MTR: variants seen among roughly 807,000 people sequenced by gnomAD.
MTR encodes 5-methyltetrahydrofolate-homocysteine methyltransferase, also known as methionine synthase.
In MTR, 84 loss-of-function variants were observed where a neutral mutation model predicts 154.8. The ratio of observed to expected loss-of-function variants is 0.54; its 90% CI spans 0.45 to 0.65. MTR has a LOEUF of 0.65. Ranked by LOEUF, MTR falls within the 30% of genes least tolerant of loss-of-function variation. MTR has a pLI of 0.00. For missense variants in MTR, 1,275 were observed against 1,570.2 expected, an observed-to-expected ratio of 0.81 and a Z score of 3.18; for synonymous variants, 554 against 553.9, an observed-to-expected ratio of 1.00 and a Z score of 0.00.
chr1:236,816,080 T>C (rs1171453925), intron 7 of MTR, among the ~76,000 whole-genome samples: 4 of 152,220 alleles, frequency 2.6e-5, no homozygotes, highest in African/African-American at 9.6e-5. Context: ...AGAAGCGAAT[T>C]GAATCAAAAC....
At chr1:236,873,959 A>G (rs1665287587) in intron 23 of MTR, 119 bp downstream of exon 23, 2 of 974,278 alleles carry the variant, frequency 2.1e-6, no homozygotes, top group Admixed American at 1.9e-5. Flanking sequence ...GGGACATACA[A>G]TCAAGTGCCA....
rs575229292 is a variant in MTR, at chr1:236,829,229, C to G, written c.1036C>G (p.Pro346Ala). The G allele has an allele frequency of 3.7e-6, 6 of 1,613,978 alleles. No individual in the cohort carries two copies. The South Asian group carries it at 6.6e-5, about 18-fold the overall frequency. ...EAVKNCKPRV[P>A]PATAFEGHML... ...TGTGAAAAATTGTAAGCCTAGAGTT[C>G]CACCTGCCACTGCTTTTGAAGGACA... Residue 346 changes from proline to alanine, a missense_variant, in exon 12 of 33, where the codon CCA (proline) becomes GCA (alanine). Pro to Ala is a conservative substitution (Grantham distance 27). Coordinates refer to ENST00000366577, the MANE Select transcript of MTR (RefSeq NM_000254.3).
chr1:236,810,062 C>T (rs1558276803), intron 4 of MTR, among the ~76,000 whole-genome samples: 1 of 152,138 alleles, frequency 6.6e-6, no homozygotes, highest in South Asian at 2.1e-4. Flanking sequence ...TTCAGGGCTT[C>T]ATAAAAATAG....
chr1:236,852,088 C>T (rs1281645809), intron 16 of MTR, among the ~76,000 whole-genome samples: 1 of 152,212 alleles, frequency 6.6e-6, no homozygotes, highest in Admixed American at 6.5e-5. Flanking sequence ...TTCCACAAGC[C>T]TGATGATGCT....
Position 236,894,522 on chromosome 1 carries a change from A to G in MTR, c.3370A>G (p.Ile1124Val). ...YEDDGDDYSS[I>V]MVKALGDRLA... is the part of the protein sequence containing the mutation. ...GGATGATGGTGACGACTACAGCAGC[A>G]TCATGGTCAAGGCGCTGGGGGACCG... is the stretch of plus-strand genomic sequence containing the variant. The change falls in exon 30 of 33, where the codon ATC becomes GTC. Residue 1124 changes from isoleucine (I) to valine (V), a missense_variant. Coordinates refer to ENST00000366577, the MANE Select transcript of MTR (RefSeq NM_000254.3). 2.5e-6 allele frequency: 4 copies of G among 1,614,182 alleles called. No individual in the cohort carries two copies. The highest frequency in any genetic ancestry group is 3.4e-6 in the Non-Finnish European group (4 of 1,180,042).
intron 15 of MTR, among the ~76,000 whole-genome samples, chr1:236,848,306 A>T (rs1452313131): frequency 6.6e-6 from 1 of 152,092 alleles, no homozygotes; most frequent in Non-Finnish European, 1.5e-5. Flanking sequence ...GCCAGATAAT[A>T]TTCATGGCTC....
At chr1:236,810,366 A>T in intron 4 of MTR, 137 bp from the exon 5 acceptor site, 1 of 764,780 alleles carries the variant, frequency 1.3e-6, no homozygotes, top group Non-Finnish European at 2.3e-6. Flanking sequence ...TTGGGCTTTT[A>T]GAGCTTTTTG....
At chr1:236,885,448 G>A (rs1018179902) in intron 26 of MTR, among the ~76,000 whole-genome samples, 1 of 152,140 alleles carries the variant, frequency 6.6e-6, no homozygotes, top group African/African-American at 2.4e-5. Context: ...CATTTACTGG[G>A]TACCCAGTAG....
intron 12 of MTR, 145 bp downstream of exon 12, chr1:236,829,413 A>G: frequency 1.3e-6 from 1 of 770,308 alleles, no homozygotes; most frequent in South Asian, 1.4e-5. Flanking sequence ...AATGAATTCT[A>G]GTGAAGAACC....
At chr1:236,818,804 A>G (rs979341315) in intron 8 of MTR, among the ~76,000 whole-genome samples, 56 of 152,226 alleles carry the variant, frequency 3.7e-4, no homozygotes, top group Non-Finnish European at 1.5e-4. Flanking sequence ...AAATACTACT[A>G]TATGTCCTGG....
At chr1:236,869,777 C>G (rs1665022770) in intron 22 of MTR, among the ~76,000 whole-genome samples, 1 of 152,060 alleles carries the variant, frequency 6.6e-6, no homozygotes, top group South Asian at 2.1e-4. Context: ...GACCTGTGCC[C>G]TCTTCTCCGA....
chr1:236,841,066 C>T (rs770649854), intron 15 of MTR, among the ~76,000 whole-genome samples: 10 of 152,176 alleles, frequency 6.6e-5, no homozygotes, highest in Non-Finnish European at 1.3e-4. Context: ...AGCCTTCAGC[C>T]TTCTAGATCC....
chr1:236,833,785 C>T (rs1474366987), intron 13 of MTR, among the ~76,000 whole-genome samples: 2 of 152,194 alleles, frequency 1.3e-5, no homozygotes, highest in Non-Finnish European at 1.5e-5. Flanking sequence ...GAAGGTTAGA[C>T]TTTGAAGCTG....
chr1:236,897,341 C>CACACACACACAG (rs1666718763), intron 32 of MTR, among the ~76,000 whole-genome samples: 1 of 139,992 alleles, frequency 7.1e-6, no homozygotes, highest in African/African-American at 3.1e-5. Context: ...CACACACACA[C>CACACACACACAG]ACATACAGCT....
intron 21 of MTR, 109 bp downstream of exon 21, chr1:236,862,452 TA>T (rs1249815172): frequency 1.2e-6 from 1 of 838,300 alleles, no homozygotes; most frequent in Non-Finnish European, 2.0e-6. Context: ...TTATTGAGGA[TA>T]AAATAGAGAA....
intron 1 of MTR, among the ~76,000 whole-genome samples, chr1:236,796,788 A>G (rs1660414142): frequency 1.3e-5 from 1 of 77,458 alleles, no homozygotes; most frequent in Admixed American, 1.2e-4. Flanking sequence ...TATATTTAAT[A>G]TTTAATTAAT....
intron 8 of MTR, chr1:236,820,643 T>A: frequency 1.9e-6 from 1 of 521,064 alleles, no homozygotes; most frequent in African/African-American, 2.0e-5. Context: ...TGTGTAGACA[T>A]AAGTTTTAAT....
chr1:236,896,711 A>C (rs1666644086), intron 31 of MTR, among the ~76,000 whole-genome samples: 1 of 152,122 alleles, frequency 6.6e-6, no homozygotes, highest in East Asian at 1.9e-4. Flanking sequence ...CTTAGGAGCA[A>C]ATTAGGGCAC....
chr1:236,853,052 C>A lies in MTR; in HGVS notation c.1917C>A (p.Asp639Glu). 2 of 1,614,004 alleles carry A rather than the reference C, an allele frequency of 1.2e-6. No homozygotes were observed. The highest frequency in any genetic ancestry group is 1.7e-6 in the Non-Finnish European group (2 of 1,179,956). The change falls in exon 18 of 33, where the codon GAC becomes GAA. Residue 639 changes from aspartate (D) to glutamate (E), a missense_variant. Asp to Glu is a conservative substitution (Grantham distance 45). Transcript: ENST00000366577. ...GTGAAGATCTCATCTGGAATAAAGA[C>A]CCTGAGGCCACTGAGAAGCTCTTAC... is the stretch of plus-strand genomic sequence containing the variant. ...QLCEDLIWNK[D>E]PEATEKLLRY... is the part of the protein sequence containing the mutation.
Sources: allele counts gnomAD v4.1 joint callset (sites outside exome capture counted in the v4.1 genomes callset), GRCh38; gene constraint gnomAD v4.1.1; transcripts MANE v1.5; gene names NCBI Gene and HGNC (gene_info 2026-07-23, HGNC 2026-07-21).